The following RANBP2 variants were observed in gnomAD, a reference collection of about 807,000 sequenced individuals.
RANBP2 encodes RAN binding protein 2, also known as E3 SUMO-protein ligase RanBP2.
RANBP2 carries 57 observed loss-of-function variants against 303.6 expected under a neutral mutation model. That is an observed-to-expected ratio of 0.19 (90% CI 0.15 to 0.23). RANBP2 has a LOEUF of 0.23. RANBP2 is among the 10% of genes least tolerant of loss of function. The pLI is 1.00. For synonymous variants in RANBP2, 1,167 were observed against 1,301.5 expected (o/e 0.90, Z 2.23); for missense variants, 3,138 against 3,780.8 (o/e 0.83, Z 4.46).
chr2:109,438,922 GTACA>G, the RANBP2 span, among the ~76,000 whole-genome samples: 1 of 152,122 alleles, frequency 6.6e-6, no homozygotes, highest in African/African-American at 2.4e-5. Flanking sequence ...CCGGTGTTCT[GTACA>G]AATGTTTCCA....
chr2:108,906,890 G>A, the RANBP2 span, among the ~76,000 whole-genome samples: 10 of 152,346 alleles, frequency 6.6e-5, no homozygotes, highest in South Asian at 2.1e-4. Flanking sequence ...CACTGAACTC[G>A]GGGCAGGCAG....
At chr2:108,990,323 C>T in the RANBP2 span, among the ~76,000 whole-genome samples, 4 of 148,826 alleles carry the variant, frequency 2.7e-5, no homozygotes, top group Non-Finnish European at 4.4e-5. Context: ...CCCAGCTACT[C>T]GGGAGGCTGA....
the RANBP2 span, chr2:109,127,191 A>T: frequency 6.6e-6 from 1 of 152,264 alleles, no homozygotes; most frequent in Non-Finnish European, 1.5e-5. Flanking sequence ...TATCAGAAGC[A>T]AAGTTTCCAG....
chr2:109,010,746 A>G, the RANBP2 span, among the ~76,000 whole-genome samples: 5 of 152,366 alleles, frequency 3.3e-5, no homozygotes, highest in South Asian at 1.0e-3. Context: ...TGTAAATTCT[A>G]TTCACTGCTA....
At chr2:109,088,591 C>A in the RANBP2 span, among the ~76,000 whole-genome samples, 1 of 151,980 alleles carries the variant, frequency 6.6e-6, no homozygotes, top group African/African-American at 2.4e-5. Flanking sequence ...TGGCTCACTG[C>A]AATCTCCGGG....
the RANBP2 span, chr2:109,449,522 C>T: frequency 2.5e-6 from 4 of 1,603,418 alleles, no homozygotes; most frequent in South Asian, 2.2e-5. Context: ...GCCCTGGGCT[C>T]GAGGCCAGCT....
the RANBP2 span, among the ~76,000 whole-genome samples, chr2:109,043,201 A>G: frequency 3.9e-5 from 6 of 152,240 alleles, no homozygotes; most frequent in Non-Finnish European, 8.8e-5. Context: ...GAATTAAGGA[A>G]TAGCCAGAAA....
At chr2:109,644,139 AC>A in the RANBP2 span, among the ~76,000 whole-genome samples, 1 of 51,174 alleles carries the variant, frequency 2.0e-5, no homozygotes, top group Non-Finnish European at 5.1e-5. Flanking sequence ...AAACAAAAAA[AC>A]AAAAAAAAAC....
chr2:108,946,518 C>A, the RANBP2 span, among the ~76,000 whole-genome samples: 2 of 152,198 alleles, frequency 1.3e-5, no homozygotes, highest in Non-Finnish European at 2.9e-5. Flanking sequence ...TATATTAGTC[C>A]ATTCTCCCAT....
chr2:109,115,175 C>T, the RANBP2 span, among the ~76,000 whole-genome samples: 238 of 152,090 alleles, frequency 1.6e-3, 1 homozygote, highest in African/African-American at 5.4e-3. Context: ...GTTCAATTCC[C>T]GGGTATCCTT....
chr2:109,644,462 C>T, the RANBP2 span, among the ~76,000 whole-genome samples: 4 of 152,094 alleles, frequency 2.6e-5, no homozygotes, highest in African/African-American at 9.7e-5. Context: ...ACCATGGCCT[C>T]TTATCAGATC....
At chr2:109,244,671 G>GCAAAA in the RANBP2 span, among the ~76,000 whole-genome samples, 1 of 152,194 alleles carries the variant, frequency 6.6e-6, no homozygotes, top group East Asian at 1.9e-4. Flanking sequence ...ACACAGGGAG[G>GCAAAA]AAATATGGAG....
At chr2:109,531,325 G>A in the RANBP2 span, among the ~76,000 whole-genome samples, 1 of 152,214 alleles carries the variant, frequency 6.6e-6, no homozygotes, top group Non-Finnish European at 1.5e-5. Context: ...GGCTCAGGAC[G>A]TGGTATGTGC....
the RANBP2 span, among the ~76,000 whole-genome samples, chr2:108,938,401 GC>G: frequency 1.3e-5 from 2 of 152,160 alleles, no homozygotes; most frequent in African/African-American, 2.4e-5. Context: ...CAGAACTGGG[GC>G]TGGCGTCCCA....
chr2:109,257,374 GGGAGGGAGAGGAAGGGAA>G, the RANBP2 span, among the ~76,000 whole-genome samples: 14 of 151,726 alleles, frequency 9.2e-5, no homozygotes, highest in Middle Eastern at 3.4e-3. Context: ...AGGAGAGGGA[GGGAGGGAGAGGAAGGGAA>G]GGAGGGAGAG....
the RANBP2 span, among the ~76,000 whole-genome samples, chr2:109,473,906 A>G: frequency 1.3e-5 from 2 of 152,276 alleles, no homozygotes; most frequent in Admixed American, 1.3e-4. Context: ...GATCATCAGC[A>G]GTGCTGTCAT....
At chr2:109,253,610 T>G in the RANBP2 span, among the ~76,000 whole-genome samples, 1 of 152,186 alleles carries the variant, frequency 6.6e-6, no homozygotes, top group Non-Finnish European at 1.5e-5. Context: ...TAACAGTCTT[T>G]CGGTTTAGCC....
the RANBP2 span, among the ~76,000 whole-genome samples, chr2:109,106,910 A>G: frequency 2.6e-5 from 4 of 151,360 alleles, no homozygotes; most frequent in Admixed American, 6.6e-5. Flanking sequence ...TCCTGCTTAT[A>G]ACTAAAGTTT....
At chr2:109,667,265 A>G in the RANBP2 span, 2 of 778,304 alleles carry the variant, frequency 2.6e-6, no homozygotes, top group Non-Finnish European at 4.5e-6. Context: ...GGCAGAGACC[A>G]ACCATCATAA....
Sources: gnomAD v4.1 joint callset for allele counts (sites outside exome capture counted in the v4.1 genomes callset) on GRCh38, gnomAD v4.1.1 for gene constraint, MANE v1.5 for transcripts, NCBI Gene and HGNC (gene_info 2026-07-23, HGNC 2026-07-21) for gene names.